The following CA10 variants were observed in gnomAD, a reference collection of about 807,000 sequenced individuals.
CA10 encodes carbonic anhydrase-related protein 10.
A neutral mutation model predicts 44.2 loss-of-function variants in CA10; 14 were observed. The ratio of observed to expected loss-of-function variants is 0.32; its 90% CI spans 0.21 to 0.50. The LOEUF (loss-of-function observed/expected upper bound fraction) is 0.50. CA10 is among the 20% of genes least tolerant of loss of function. CA10 has a pLI of 0.99. For synonymous variants in CA10, 159 were observed against 141.6 expected (o/e 1.12, Z -0.87); for missense variants, 350 against 409.7 (o/e 0.85, Z 1.26).
At chr17:52,121,593 C>T (rs1164066663) in intron 1 of CA10, among the ~76,000 whole-genome samples, 1 of 151,744 alleles carries the variant, frequency 6.6e-6, no homozygotes, top group Non-Finnish European at 1.5e-5. Flanking sequence ...GAATTGCAGC[C>T]CCTCAGTAGA....
At chr17:51,645,017 C>T (rs11079975) in intron 6 of CA10, among the ~76,000 whole-genome samples, 101,323 of 151,668 alleles carry the variant, frequency 0.67, 34,451 homozygotes, top group South Asian at 0.76. Context: ...AGGCTGGTCT[C>T]GAACTCCTGA....
intron 3 of CA10, among the ~76,000 whole-genome samples, chr17:51,842,757 A>AT (rs1978341538): frequency 6.6e-6 from 1 of 151,892 alleles, no homozygotes; most frequent in Non-Finnish European, 1.5e-5. Context: ...AAATGGCAAC[A>AT]TTTAGTCTGA....
chr17:51,707,973 A>T (rs1915814201), intron 4 of CA10, among the ~76,000 whole-genome samples: 1 of 152,120 alleles, frequency 6.6e-6, no homozygotes, highest in Non-Finnish European at 1.5e-5. Flanking sequence ...ACTCATGGAG[A>T]CACTTAAAGC....
At chr17:51,774,445 C>CT (rs11441373) in intron 3 of CA10, among the ~76,000 whole-genome samples, 48,444 of 146,284 alleles carry the variant, frequency 0.33, 8,821 homozygotes, top group East Asian at 0.54. Context: ...CATTTAAGGT[C>CT]TTTTTTTTTT....
intron 2 of CA10, among the ~76,000 whole-genome samples, chr17:52,011,613 A>G (rs1985798261): frequency 6.6e-6 from 1 of 152,042 alleles, no homozygotes; most frequent in African/African-American, 2.4e-5. Context: ...TCTTTACTAT[A>G]TACCAATGCT....
At chr17:51,656,061 C>A (rs1361199736) in intron 4 of CA10, among the ~76,000 whole-genome samples, 1 of 152,196 alleles carries the variant, frequency 6.6e-6, no homozygotes, top group Non-Finnish European at 1.5e-5. Context: ...ACACACTCAG[C>A]ACACCTCCCT....
At chr17:51,687,486 T>C (rs1399448924) in intron 4 of CA10, among the ~76,000 whole-genome samples, 1 of 152,144 alleles carries the variant, frequency 6.6e-6, no homozygotes, top group African/African-American at 2.4e-5. Flanking sequence ...AATAAATATA[T>C]GTTGAATGAA....
rs966179888 is a variant in CA10 at position 51,930,868 on chromosome 17, G to A, written c.279+122C>T. On this transcript the variant is annotated intron_variant, in intron 3 of 8. Coordinates refer to ENST00000451037, the MANE Select transcript of CA10 (RefSeq NM_020178.5). ...TCTATCTAATGGCGGCAGGTCTGAA[G>A]TCTGTGGTATTCCTAGGTGGGAGGA... 9.6e-6 allele frequency: 11 copies of A among 1,143,404 alleles called. No homozygotes were observed. In the African/African-American group the frequency reaches 1.4e-4, roughly 15 times the overall value. The allele number at this position is 1,143,404 out of a possible 1,614,324, so 70.8% of individuals were successfully genotyped here.
chr17:51,796,603 G>T (rs1906719896), intron 3 of CA10, among the ~76,000 whole-genome samples: 1 of 152,188 alleles, frequency 6.6e-6, no homozygotes, highest in African/African-American at 2.4e-5. Context: ...TTAACTTTGG[G>T]TTAAATGTAA....
chr17:51,737,260 A>G (rs139551978), intron 4 of CA10, among the ~76,000 whole-genome samples: 49 of 152,264 alleles, frequency 3.2e-4, no homozygotes, highest in African/African-American at 1.1e-3. Context: ...TGCTAGCTCA[A>G]AAGCTTATTG....
chr17:52,048,044 T>TAA (rs5820901), intron 2 of CA10, among the ~76,000 whole-genome samples: 1 of 149,510 alleles, frequency 6.7e-6, no homozygotes, highest in South Asian at 2.1e-4. Flanking sequence ...CCACAAAAAT[T>TAA]AAAAAAAAAA....
intron 4 of CA10, among the ~76,000 whole-genome samples, chr17:51,692,370 T>C (rs1426569553): frequency 4.6e-5 from 1 of 21,780 alleles, no homozygotes; most frequent in Non-Finnish European, 7.7e-5. Context: ...ATCCATCCTA[T>C]CTATCTATCT....
At chr17:52,087,588 A>G (rs1340044598) in intron 1 of CA10, among the ~76,000 whole-genome samples, 1 of 152,168 alleles carries the variant, frequency 6.6e-6, no homozygotes, top group Admixed American at 6.5e-5. Flanking sequence ...ATTCAACATG[A>G]CTCCCTATGC....
intron 3 of CA10, among the ~76,000 whole-genome samples, chr17:51,820,699 G>A (rs1470265739): frequency 6.6e-6 from 1 of 151,928 alleles, no homozygotes; most frequent in African/African-American, 2.4e-5. Context: ...GTGACCTTTG[G>A]CAATTGGCTC....
At chr17:51,832,173 C>T (rs1908307985) in intron 3 of CA10, among the ~76,000 whole-genome samples, 1 of 152,168 alleles carries the variant, frequency 6.6e-6, no homozygotes, top group South Asian at 2.1e-4. Context: ...CTTTCTTCAT[C>T]TGTAATGTGG....
intron 1 of CA10, among the ~76,000 whole-genome samples, chr17:52,074,248 A>G (rs916927378): frequency 4.6e-5 from 7 of 152,214 alleles, no homozygotes; most frequent in Non-Finnish European, 1.0e-4. Context: ...AACAACAACA[A>G]GAAAACCAAA....
chr17:51,913,561 C>A lies in CA10; in HGVS notation c.279+17429G>T, dbSNP rs575034699. ...AGGTCAGACCTTTCAGGCTTGGGAA[C>A]AATTTATTTGCTTTGGAGAAATACC... On this transcript the variant is annotated intron_variant, in intron 3 of 8. Coordinates refer to ENST00000451037, the MANE Select transcript of CA10 (RefSeq NM_020178.5). 2.3e-3 allele frequency among the ~76,000 whole-genome samples: 352 copies of A among 152,238 alleles called. 2 individuals are homozygous for A. Among genetic ancestry groups the A allele is most frequent in the African/African-American group, 8.0e-3 (332 of 41,560 alleles).
At chr17:52,098,697 G>A (rs1444553082) in intron 1 of CA10, among the ~76,000 whole-genome samples, 2 of 152,166 alleles carry the variant, frequency 1.3e-5, no homozygotes, top group Non-Finnish European at 2.9e-5. Context: ...GTGACGTCGG[G>A]AGGGGCCTGT....
chr17:51,674,482 T>C (rs1914543857), intron 4 of CA10, among the ~76,000 whole-genome samples: 1 of 152,232 alleles, frequency 6.6e-6, no homozygotes, highest in African/African-American at 2.4e-5. Context: ...CTCTGATTGC[T>C]ATCTTGCAAG....
Sources: allele counts gnomAD v4.1 joint callset (sites outside exome capture counted in the v4.1 genomes callset), GRCh38; gene constraint gnomAD v4.1.1; transcripts MANE v1.5; gene names NCBI Gene and HGNC (gene_info 2026-07-23, HGNC 2026-07-21).